GAD2: variants seen among roughly 807,000 people sequenced by gnomAD.
GAD2 encodes the protein glutamate decarboxylase 2, also known as 65 kDa glutamic acid decarboxylase.
Under a neutral mutation model 80.1 loss-of-function variants are expected in GAD2, and 22 were observed. That is an observed-to-expected ratio of 0.27 (90% CI 0.20 to 0.39). The LOEUF (loss-of-function observed/expected upper bound fraction) is 0.39. Among genes scored for constraint, GAD2 ranks in the 10% least tolerant of loss-of-function variants. The probability of loss-of-function intolerance (pLI) is 1.00; values close to 1 mark genes in which losing one functional copy is unlikely to be tolerated. For missense variants in GAD2, 624 were observed against 738.4 expected, an observed-to-expected ratio of 0.85 and a Z score of 1.80; for synonymous variants, 274 against 256.9, an observed-to-expected ratio of 1.07 and a Z score of -0.64.
intron 12 of GAD2, among the ~76,000 whole-genome samples, chr10:26,285,625 C>T (rs1845323078): frequency 6.6e-6 from 1 of 152,182 alleles, no homozygotes; most frequent in Admixed American, 6.5e-5. Flanking sequence ...AATGAATGGC[C>T]ATTGACGATG....
chr10:26,266,887 G>A (rs1845080327), intron 8 of GAD2, among the ~76,000 whole-genome samples: 1 of 152,108 alleles, frequency 6.6e-6, no homozygotes, highest in Admixed American at 6.5e-5. Context: ...AGTTTGTTCT[G>A]GAAGCTTAGA....
chr10:26,238,785 G>A (rs1008826386), intron 7 of GAD2, among the ~76,000 whole-genome samples: 1 of 152,050 alleles, frequency 6.6e-6, no homozygotes, highest in East Asian at 1.9e-4. Context: ...TTTAGCAAGA[G>A]AATGTTCTTT....
At chr10:26,229,808 G>A (rs369371483) in intron 7 of GAD2, 31 bp downstream of exon 7, 1 of 1,524,374 alleles carries the variant, frequency 6.6e-7, no homozygotes, top group Non-Finnish European at 9.1e-7. Context: ...CAAGTTTAAG[G>A]TTATGTTCCA....
chr10:26,251,324 AGAGCTGGCTTTG>A (rs982550706), intron 8 of GAD2, among the ~76,000 whole-genome samples: 37 of 152,276 alleles, frequency 2.4e-4, no homozygotes, highest in African/African-American at 7.5e-4. Flanking sequence ...GTACATTTAG[AGAGCTGGCTTTG>A]GAGCTGGCTT....
chr10:26,286,985 T>C (rs1317309597), intron 13 of GAD2, among the ~76,000 whole-genome samples: 1 of 152,208 alleles, frequency 6.6e-6, no homozygotes, highest in Non-Finnish European at 1.5e-5. Flanking sequence ...CCAAAATACC[T>C]AATCACCTCC....
At chr10:26,297,667 C>T (rs1019980121) in intron 15 of GAD2, among the ~76,000 whole-genome samples, 11 of 152,112 alleles carry the variant, frequency 7.2e-5, no homozygotes, top group African/African-American at 2.7e-4. Flanking sequence ...ATCCAAAAGA[C>T]CACTGGGATG....
chr10:26,303,908 GAT>G lies in GAD2; in HGVS notation c.*2950_*2951del, dbSNP rs768012799. On this transcript the variant is annotated 3_prime_UTR_variant, in exon 16 of 16. Coordinates refer to ENST00000376261, the MANE Select transcript of GAD2 (RefSeq NM_001134366.2). ...GTAAAAGCTTGTACAATATATTATT[GAT>G]ATGTCTTTTTCTGTGTGGTAGCTGT... 4.6e-5 allele frequency: 7 copies of G among 152,112 alleles called. No individual in the cohort carries two copies. Among genetic ancestry groups the G allele is most frequent in the Non-Finnish European group, 1.0e-4 (7 of 68,032 alleles). The allele number at this position is 152,112 out of a possible 1,614,324, so 9.4% of individuals were successfully genotyped here. A position where few individuals can be genotyped will look rare whatever the true frequency, so the allele number is the denominator to read the frequency against.
In GAD2 at chr10:26,217,467, A is replaced by C. The variant is rs994388357; in HGVS notation, c.77-143A>C. 1 of 813,704 alleles carries C rather than the reference A, an allele frequency of 1.2e-6. No homozygotes were observed. The highest frequency in any genetic ancestry group is 2.0e-6 in the Non-Finnish European group (1 of 490,308). The allele number at this position is 813,704 out of a possible 1,614,324, so 50.4% of individuals were successfully genotyped here. On this transcript the variant is annotated intron_variant, in intron 1 of 15. Transcript: ENST00000376261. This position sits in a 1 kb window ranked among gnomAD's most constrained non-coding sequence, Gnocchi z 4.9. ...CTTGCCTTCTGCACCTGCCGGCCTC[A>C]CCGAGTCCTGAGCGGCCCCCAGGAG... is the stretch of plus-strand genomic sequence containing the variant.
intron 10 of GAD2, 81 bp downstream of exon 10, chr10:26,270,837 CT>C: frequency 2.1e-6 from 2 of 930,824 alleles, no homozygotes; most frequent in Non-Finnish European, 3.5e-6. Flanking sequence ...TTTGTTTTCT[CT>C]TTTTTTAACT....
chr10:26,264,154 G>T (rs1220480572), intron 8 of GAD2, among the ~76,000 whole-genome samples: 1 of 152,112 alleles, frequency 6.6e-6, no homozygotes, highest in Non-Finnish European at 1.5e-5. Context: ...GCTTAATATT[G>T]TTTATACTTA....
intron 8 of GAD2, among the ~76,000 whole-genome samples, 171 bp downstream of exon 8, chr10:26,246,171 G>A (rs564129971): frequency 8.3e-4 from 126 of 152,338 alleles, no homozygotes; most frequent in African/African-American, 2.8e-3. Context: ...TTGCTCAGAT[G>A]TGGTTCCTTG....
intron 15 of GAD2, among the ~76,000 whole-genome samples, chr10:26,296,703 ATCT>A (rs1490369318): frequency 6.6e-6 from 1 of 152,136 alleles, no homozygotes; most frequent in East Asian, 1.9e-4. Flanking sequence ...CTGGTTCTTT[ATCT>A]TCTTATTTTA....
rs769140340 is a variant in GAD2, at chr10:26,229,717, A to G, written c.780A>G (p.Pro260=). The change falls in exon 7 of 16, where the codon CCA becomes CCG. Residue 260 remains proline (P), a synonymous_variant. Coordinates refer to ENST00000376261, the MANE Select transcript of GAD2 (RefSeq NM_001134366.2). ...AMMIARFKMF[P]EVKEKGMAAL... is the part of the protein sequence containing the mutation. ...TGATCGCACGCTTTAAGATGTTCCC[A>G]GAAGTCAAGGAGAAAGGAATGGCTG... 5.0e-6 allele frequency: 8 copies of G among 1,614,224 alleles called. No homozygotes were observed. The highest frequency in any genetic ancestry group is 5.9e-6 in the Non-Finnish European group (7 of 1,180,040).
intron 8 of GAD2, among the ~76,000 whole-genome samples, chr10:26,261,074 A>G: frequency 6.6e-6 from 1 of 152,346 alleles, no homozygotes; most frequent in Admixed American, 6.5e-5. Context: ...TAGTTCAAAA[A>G]GAAAAAGAAA....
At chr10:26,254,960 T>A (rs1844926148) in intron 8 of GAD2, among the ~76,000 whole-genome samples, 1 of 152,248 alleles carries the variant, frequency 6.6e-6, no homozygotes, top group Non-Finnish European at 1.5e-5. Flanking sequence ...GGACCCTGTC[T>A]GAGGTGAACC....
chr10:26,249,336 T>A (rs1844850464), intron 8 of GAD2, among the ~76,000 whole-genome samples: 1 of 152,186 alleles, frequency 6.6e-6, no homozygotes, highest in African/African-American at 2.4e-5. Context: ...TGCTGGGAGC[T>A]GCCTCATATT....
Position 26,249,402 on chromosome 10 carries a change from G to A in GAD2, c.920+3402G>A, listed in dbSNP as rs146151143. On this transcript the variant is annotated intron_variant, in intron 8 of 15. Coordinates refer to ENST00000376261, the MANE Select transcript of GAD2 (RefSeq NM_001134366.2). ...GTACTTAAGAACTGAGATTTGAAGA[G>A]AAAACTGGAGTTTAAAAATGTGAAG... Among the ~76,000 whole-genome samples the A allele has an allele frequency of 4.3e-4, 65 of 152,328 alleles. No homozygotes were observed. In the East Asian group the frequency reaches 0.012, roughly 29 times the overall value.
At chr10:26,231,572 T>C (rs1321553901) in intron 7 of GAD2, among the ~76,000 whole-genome samples, 3 of 152,228 alleles carry the variant, frequency 2.0e-5, no homozygotes, top group African/African-American at 2.4e-5. Context: ...AGGGGTCACA[T>C]TGGGCAAAAA....
In GAD2 at chr10:26,247,154, T is replaced by C. The variant is rs192125574; in HGVS notation, c.920+1154T>C. ...GCTGCTGGTTGCCCATTTTTATAGT[T>C]ATTTCTTGATTATATGCTTAACAAG... On this transcript the variant is annotated intron_variant, in intron 8 of 15. Transcript: ENST00000376261. Among the ~76,000 whole-genome samples, 55 of 152,328 alleles carry C rather than the reference T, an allele frequency of 3.6e-4. 1 individual carries two copies. In the East Asian group the frequency reaches 0.01, roughly 28 times the overall value.
Sources: gnomAD v4.1 joint callset for allele counts (sites outside exome capture counted in the v4.1 genomes callset) on GRCh38, gnomAD v4.1.1 for gene constraint, Gnocchi (gnomAD v3.1) non-coding constraint, MANE v1.5 for transcripts, NCBI Gene and HGNC (gene_info 2026-07-23, HGNC 2026-07-21) for gene names.